The following PLCG2 variants were observed in gnomAD, a reference collection of about 807,000 sequenced individuals.
PLCG2 encodes the protein phospholipase C gamma 2.
In PLCG2, 69 loss-of-function variants were observed where a neutral mutation model predicts 175.6. That is an observed-to-expected ratio of 0.39 (90% CI 0.32 to 0.48). PLCG2 has a LOEUF of 0.48. PLCG2 is among the 20% of genes least tolerant of loss of function. The pLI is 0.91. For missense variants in PLCG2, 1,798 were observed against 1,650.9 expected (o/e 1.09, Z -1.54); for synonymous variants, 827 against 624.0 (o/e 1.33, Z -4.85).
At chr16:81,782,059 G>A (rs1910760269) in intron 1 of PLCG2, among the ~76,000 whole-genome samples, 1 of 151,892 alleles carries the variant, frequency 6.6e-6, no homozygotes. Flanking sequence ...TTTTTTTTTA[G>A]TAGAGACGGG....
chr16:81,868,094 C>G (rs1325214460), intron 5 of PLCG2, among the ~76,000 whole-genome samples: 1 of 152,216 alleles, frequency 6.6e-6, no homozygotes, highest in Non-Finnish European at 1.5e-5. Flanking sequence ...TGATTCAAAT[C>G]CAGGCTCTGC....
At chr16:81,922,410 G>T (rs1305206956) in intron 21 of PLCG2, among the ~76,000 whole-genome samples, 2 of 152,188 alleles carry the variant, frequency 1.3e-5, no homozygotes, top group African/African-American at 4.8e-5. Flanking sequence ...AAGGATTAAA[G>T]GAGATACCTT....
At chr16:81,930,178 A>G (rs1448316181) in intron 24 of PLCG2, among the ~76,000 whole-genome samples, 10 of 152,164 alleles carry the variant, frequency 6.6e-5, no homozygotes, top group Non-Finnish European at 1.3e-4. Context: ...AATTAAAAAA[A>G]TAAAATAAAA....
intron 2 of PLCG2, among the ~76,000 whole-genome samples, chr16:81,769,880 C>A (rs557799968): frequency 6.6e-6 from 1 of 151,402 alleles, no homozygotes; most frequent in Non-Finnish European, 1.5e-5. Flanking sequence ...TCTAGTTCTG[C>A]CACCACTGGT....
intron 2 of PLCG2, among the ~76,000 whole-genome samples, chr16:81,768,579 T>TTTA: frequency 7.0e-6 from 1 of 142,788 alleles, no homozygotes; most frequent in African/African-American, 2.7e-5. Context: ...TTTTTTTTTT[T>TTTA]CCCGAGATGG....
chr16:81,831,842 C>A (rs542159195), intron 2 of PLCG2, among the ~76,000 whole-genome samples: 1 of 152,360 alleles, frequency 6.6e-6, no homozygotes, highest in African/African-American at 2.4e-5. Flanking sequence ...CCACGCTAGC[C>A]ATCCCCCAAC....
chr16:81,758,169 G>T (rs1439240832), intron 2 of PLCG2, among the ~76,000 whole-genome samples: 2 of 152,068 alleles, frequency 1.3e-5, no homozygotes, highest in Admixed American at 1.3e-4. Flanking sequence ...GCAGAGATGG[G>T]GTTTCGCGGT....
intron 28 of PLCG2, chr16:81,938,538 A>T: frequency 2.0e-6 from 1 of 506,696 alleles, no homozygotes; most frequent in East Asian, 3.2e-5. Context: ...GGATGTGTGC[A>T]TTCATGAGCT....
At chr16:81,851,515 T>C (rs1906409519) in intron 2 of PLCG2, among the ~76,000 whole-genome samples, 1 of 152,064 alleles carries the variant, frequency 6.6e-6, no homozygotes, top group African/African-American at 2.4e-5. Context: ...TTTTTGTTGT[T>C]GTTGTTGTTG....
chr16:81,889,392 A>C, intron 10 of PLCG2, 119 bp downstream of exon 10: 2 of 633,186 alleles, frequency 3.2e-6, no homozygotes. Context: ...TGTTGCCTCG[A>C]CTGACTGGTT....
chr16:81,784,419 G>A (rs1050817981), intron 1 of PLCG2, among the ~76,000 whole-genome samples: 3 of 152,188 alleles, frequency 2.0e-5, no homozygotes, highest in Non-Finnish European at 4.4e-5. Flanking sequence ...TGAGGGAACC[G>A]AGCCACAGAT....
chr16:81,932,014 C>T (rs192352320), intron 25 of PLCG2, among the ~76,000 whole-genome samples: 4 of 152,158 alleles, frequency 2.6e-5, no homozygotes, highest in African/African-American at 9.7e-5. Flanking sequence ...CAGTCTGGAT[C>T]CTCCTGACAG....
intron 30 of PLCG2, 47 bp from the exon 31 acceptor site, chr16:81,946,128 T>A: frequency 6.9e-7 from 1 of 1,454,674 alleles, no homozygotes; most frequent in Non-Finnish European, 9.7e-7. Flanking sequence ...ATCTAAGGTC[T>A]GACATTAATT....
chr16:81,899,520 C>T (rs117261090), intron 13 of PLCG2, among the ~76,000 whole-genome samples: 12 of 152,286 alleles, frequency 7.9e-5, no homozygotes, highest in East Asian at 7.7e-4. Flanking sequence ...GAGACTCATG[C>T]GATGCACACG....
chr16:81,876,558 C>A lies in PLCG2; in HGVS notation c.649-4352C>A, dbSNP rs375280800. Among the ~76,000 whole-genome samples, 5 of 152,176 alleles carry A rather than the reference C, an allele frequency of 3.3e-5. No individual in the cohort carries two copies. In the East Asian group the frequency reaches 7.7e-4, roughly 23 times the overall value. Reference sequence around the variant, plus strand: ...GTCCAGCTGGTAACTTCTCCTGGGGCCCGACTCAGAGATGACATTTCCCTG... The same window carrying A: ...GTCCAGCTGGTAACTTCTCCTGGGGACCGACTCAGAGATGACATTTCCCTG... On this transcript the variant is annotated intron_variant, in intron 7 of 32. Transcript: ENST00000564138.
intron 15 of PLCG2, 67 bp from the exon 16 acceptor site, chr16:81,907,618 G>A: frequency 1.8e-6 from 2 of 1,114,074 alleles, no homozygotes; most frequent in Non-Finnish European, 2.7e-6. Flanking sequence ...GCCCTGCAGG[G>A]CTCCTGGGCT....
chr16:81,905,049 G>A (rs970817166), intron 14 of PLCG2, among the ~76,000 whole-genome samples: 1 of 152,160 alleles, frequency 6.6e-6, no homozygotes. Context: ...CACCATGCCC[G>A]GCTAATTTTT....
At chr16:81,937,737 G>A (rs765576829) in intron 27 of PLCG2, 21 bp from the exon 28 acceptor site, 2 of 1,610,200 alleles carry the variant, frequency 1.2e-6, no homozygotes, top group African/African-American at 2.7e-5. Context: ...ACTTACAGCA[G>A]GCGTTCACTT....
intron 2 of PLCG2, among the ~76,000 whole-genome samples, chr16:81,770,174 C>T (rs1049802036): frequency 1.3e-5 from 2 of 152,160 alleles, no homozygotes; most frequent in African/African-American, 4.8e-5. Context: ...GATCTTCACA[C>T]ACTGAACACA....
Sources: gnomAD v4.1 joint callset for allele counts (sites outside exome capture counted in the v4.1 genomes callset) on GRCh38, gnomAD v4.1.1 for gene constraint, MANE v1.5 for transcripts, NCBI Gene and HGNC (gene_info 2026-07-23, HGNC 2026-07-21) for gene names.